The following PHKA1 variants were observed in gnomAD, a reference collection of about 807,000 sequenced individuals.
PHKA1 encodes the protein phosphorylase b kinase regulatory subunit alpha, skeletal muscle isoform.
Under a neutral mutation model 110.2 loss-of-function variants are expected in PHKA1, and 60 were observed. That is an observed-to-expected ratio of 0.54 (90% CI 0.44 to 0.68). The LOEUF (loss-of-function observed/expected upper bound fraction) is 0.68, where lower values mean the gene tolerates loss of function less well. Among genes scored for constraint, PHKA1 ranks in the 30% least tolerant of loss-of-function variants. The pLI is 0.00. For missense variants in PHKA1, 801 were observed against 942.5 expected (o/e 0.85, Z 1.97); for synonymous variants, 316 against 333.6 (o/e 0.95, Z 0.58).
At chrX:72,655,768 G>A (rs782225852) in intron 10 of PHKA1, among the ~76,000 whole-genome samples, 1 of 111,174 alleles carries the variant, frequency 9.0e-6, no homozygotes, top group African/African-American at 3.3e-5. Flanking sequence ...GACTACAGGC[G>A]CCTGCCACCA....
Position 72,622,286 on chromosome X carries a change from G to C in PHKA1, c.1960+823C>G, listed in dbSNP as rs1321301601. 5 of 752,349 alleles carry C rather than the reference G, an allele frequency of 6.6e-6. No homozygotes were observed. In the Admixed American group the frequency reaches 4.4e-4, roughly 66 times the overall value. The allele number at this position is 752,349 out of a possible 1,213,427, so 62.0% of individuals were successfully genotyped here. On this transcript the variant is annotated intron_variant, in intron 18 of 31. Coordinates refer to ENST00000373542, the MANE Select transcript of PHKA1 (RefSeq NM_002637.4). The stretch of plus-strand genomic sequence containing the variant: ...GTGCTGGCTGACCTCACTGAGGGCA[G>C]CAAATTTATTTTTTTCTTTTCTCCA...
chrX:72,693,109 A>G (rs2054060973), intron 4 of PHKA1, among the ~76,000 whole-genome samples: 1 of 110,772 alleles, frequency 9.0e-6, no homozygotes, highest in South Asian at 3.8e-4. Context: ...TAATTTCCAT[A>G]TATTTGTGAG....
At position 72,657,671 on chromosome X, in the gene PHKA1, C is replaced by T. The variant is rs370874070; in HGVS notation, c.865-30G>A. 1.5e-5 allele frequency: 17 copies of T among 1,129,330 alleles called. No individual in the cohort carries two copies. In the African/African-American group the frequency reaches 2.7e-4, roughly 18 times the overall value. The allele number at this position is 1,129,330 out of a possible 1,213,427, so 93.1% of individuals were successfully genotyped here. A position where few individuals can be genotyped will look rare whatever the true frequency, so the allele number is the denominator to read the frequency against. The stretch of plus-strand genomic sequence containing the variant: ...GAATACAAAGAAAAAAGGTCAGCAG[C>T]TTGTACACTGGTACGGCCATGTAAT... On this transcript the variant is annotated intron_variant, in intron 8 of 31. Transcript: ENST00000373542.
chrX:72,657,904 T>A (rs1359185364), intron 8 of PHKA1, among the ~76,000 whole-genome samples: 1 of 111,902 alleles, frequency 8.9e-6, no homozygotes, highest in Non-Finnish European at 1.9e-5. Context: ...CCTAACAGTA[T>A]CCTCTCCATG....
intron 5 of PHKA1, among the ~76,000 whole-genome samples, chrX:72,676,447 T>C (rs148152610): frequency 2.2e-4 from 25 of 111,640 alleles, no homozygotes; most frequent in African/African-American, 7.5e-4. Flanking sequence ...TTTCTCAAAA[T>C]TTTTCATTAA....
rs145272281 is a variant in PHKA1, at chrX:72,593,267, C to G, written c.3080G>C (p.Gly1027Ala). The G allele has an allele frequency of 6.3e-5, 75 of 1,191,744 alleles. No homozygotes were observed. Among genetic ancestry groups the G allele is most frequent in the Non-Finnish European group, 8.5e-5 (75 of 878,579 alleles). The part of the protein sequence containing the change: ...LSISAESQSP[G>A]TSMTPSSGSF... ...CCCACTACTTGGAGTCATAGAGGTTCCAGGTGACTTGGAAGAGGAGAGGAA... is the reference window on the plus strand; with the variant it reads ...CCCACTACTTGGAGTCATAGAGGTTGCAGGTGACTTGGAAGAGGAGAGGAA... The change falls in exon 29 of 32, where the codon GGA becomes GCA. Residue 1027 changes from glycine to alanine, a missense_variant. By Grantham distance (60) the Gly-to-Ala change is moderately conservative. This residue lies in a region of PHKA1 where 502 missense variants were observed against 519.2 expected (regional missense o/e 0.97). Transcript: ENST00000373542.
chrX:72,706,941 C>T (rs142030545), intron 2 of PHKA1, among the ~76,000 whole-genome samples: 60 of 111,087 alleles, frequency 5.4e-4, no homozygotes, highest in African/African-American at 1.7e-3. Flanking sequence ...TAGGAAGTAT[C>T]GGGAGGTAGG....
intron 21 of PHKA1, among the ~76,000 whole-genome samples, chrX:72,611,932 G>A (rs2052815997): frequency 9.0e-6 from 1 of 111,442 alleles, no homozygotes; most frequent in Non-Finnish European, 1.9e-5. Flanking sequence ...TCCTAACATG[G>A]TTAAATGCAG....
chrX:72,601,272 C>T (rs1306202511), intron 28 of PHKA1, among the ~76,000 whole-genome samples: 1 of 111,685 alleles, frequency 9.0e-6, no homozygotes, highest in Non-Finnish European at 1.9e-5. Context: ...CTTGTTAAAG[C>T]ACGGTAAGGA....
chrX:72,628,138 C>G (rs1347811287), intron 16 of PHKA1, among the ~76,000 whole-genome samples: 1 of 110,683 alleles, frequency 9.0e-6, no homozygotes, highest in Non-Finnish European at 1.9e-5. Flanking sequence ...CTTTCCTACA[C>G]TTTTAACAAC....
intron 2 of PHKA1, among the ~76,000 whole-genome samples, chrX:72,711,112 C>T (rs1041342871): frequency 7.3e-5 from 8 of 109,604 alleles, no homozygotes; most frequent in Non-Finnish European, 1.5e-4. Context: ...CCGCCCGCCT[C>T]GGCCTCCCAA....
At chrX:72,661,917 T>C (rs1556304342) in intron 8 of PHKA1, among the ~76,000 whole-genome samples, 1 of 111,068 alleles carries the variant, frequency 9.0e-6, no homozygotes, top group Non-Finnish European at 1.9e-5. Context: ...AAGAACCCTG[T>C]GAAGTAGAAA....
Position 72,682,129 on chromosome X carries a change from C to T in PHKA1, c.537+2369G>A, listed in dbSNP as rs868941691. ...GCCGCCCCGTCCGGGAGGTGAGGGGCGCCTCTGCCCGGCCGCCCCTACTGG... is the reference window on the plus strand; with the variant it reads ...GCCGCCCCGTCCGGGAGGTGAGGGGTGCCTCTGCCCGGCCGCCCCTACTGG... On this transcript the variant is annotated intron_variant, in intron 5 of 31. Transcript: ENST00000373542. Among the ~76,000 whole-genome samples, 210 of 71,522 alleles carry T rather than the reference C, an allele frequency of 2.9e-3. 1 individual carries two copies. The highest frequency in any genetic ancestry group is 4.3e-3 in the Non-Finnish European group (161 of 37,603). The allele number at this position is 71,522 out of a possible 115,157, so 62.1% of individuals were successfully genotyped here. A position where few individuals can be genotyped will look rare whatever the true frequency, so the allele number is the denominator to read the frequency against.
At chrX:72,620,116 C>T (rs1556275498) in intron 19 of PHKA1, among the ~76,000 whole-genome samples, 1 of 111,931 alleles carries the variant, frequency 8.9e-6, no homozygotes, top group South Asian at 3.8e-4. Flanking sequence ...CAAGAGCATG[C>T]ATCTCAGTCA....
At chrX:72,690,392 A>C (rs1163931805) in intron 4 of PHKA1, among the ~76,000 whole-genome samples, 1 of 111,485 alleles carries the variant, frequency 9.0e-6, no homozygotes, top group African/African-American at 3.3e-5. Flanking sequence ...TAATATGACT[A>C]TATTTGGAGA....
intron 6 of PHKA1, among the ~76,000 whole-genome samples, chrX:72,671,469 C>T (rs1169858211): frequency 1.9e-4 from 21 of 111,913 alleles, no homozygotes; most frequent in African/African-American, 6.5e-4. Flanking sequence ...ATTCCATGCT[C>T]ATGGGTAGGA....
At chrX:72,623,908 T>C (rs1374167199) in intron 17 of PHKA1, among the ~76,000 whole-genome samples, 6 of 111,879 alleles carry the variant, frequency 5.4e-5, no homozygotes, top group African/African-American at 1.3e-4. Flanking sequence ...TCTGTGCTGA[T>C]ACTAAACTAC....
intron 28 of PHKA1, among the ~76,000 whole-genome samples, chrX:72,593,772 G>A (rs782217144): frequency 9.8e-5 from 11 of 112,681 alleles, no homozygotes; most frequent in Non-Finnish European, 1.9e-4. Flanking sequence ...AGTGCTGTAC[G>A]CTGGTACAAT....
At chrX:72,683,243 G>A in intron 5 of PHKA1, among the ~76,000 whole-genome samples, 1 of 111,843 alleles carries the variant, frequency 8.9e-6, no homozygotes, top group Middle Eastern at 4.6e-3. Context: ...TTTGAGACCT[G>A]CCTGGGCAAC....
Sources: allele counts gnomAD v4.1 joint callset (sites outside exome capture counted in the v4.1 genomes callset), GRCh38; gene constraint gnomAD v4.1.1; regional missense constraint gnomAD v4.1.1; transcripts MANE v1.5; gene names NCBI Gene and HGNC (gene_info 2026-07-23, HGNC 2026-07-21).